Variants in PTPRD observed in about 807,000 individuals in gnomAD.
PTPRD encodes protein tyrosine phosphatase receptor type D.
A neutral mutation model predicts 214.5 loss-of-function variants in PTPRD; 34 were observed. The observed-to-expected ratio is 0.16, with a 90% CI of 0.12 to 0.21. The LOEUF is 0.21. Ranked by LOEUF, PTPRD falls within the 10% of genes least tolerant of loss-of-function variation. The pLI is 1.00. For synonymous variants in PTPRD, 1,128 were observed against 845.7 expected, an observed-to-expected ratio of 1.33 and a Z score of -5.79; for missense variants, 2,545 against 2,398.7, an observed-to-expected ratio of 1.06 and a Z score of -1.27.
chr9:9,503,942 T>C (rs538282239), intron 8 of PTPRD, among the ~76,000 whole-genome samples: 3 of 151,816 alleles, frequency 2.0e-5, no homozygotes, highest in Non-Finnish European at 2.9e-5. Context: ...GTGCCACTTT[T>C]GTTATCCATT....
intron 3 of PTPRD, among the ~76,000 whole-genome samples, chr9:10,056,837 T>C (rs993222995): frequency 2.0e-5 from 3 of 152,166 alleles, no homozygotes; most frequent in African/African-American, 7.2e-5. Context: ...GTCACTTGAG[T>C]ATTATTTATT....
chr9:9,207,297 A>G (rs564480487), intron 9 of PTPRD, among the ~76,000 whole-genome samples: 94 of 152,320 alleles, frequency 6.2e-4, no homozygotes, highest in African/African-American at 2.1e-3. Context: ...GGAGACAGGG[A>G]GTAGATAGTT....
chr9:9,575,103 T>C (rs1000555489), intron 7 of PTPRD, among the ~76,000 whole-genome samples: 4 of 152,288 alleles, frequency 2.6e-5, no homozygotes, highest in African/African-American at 7.2e-5. Context: ...GATAACCTTC[T>C]CTGTTACATT....
chr9:9,971,206 A>G (rs1327446592), intron 4 of PTPRD, among the ~76,000 whole-genome samples: 4 of 152,334 alleles, frequency 2.6e-5, no homozygotes, highest in African/African-American at 9.6e-5. Flanking sequence ...ACATCAGGTA[A>G]GATTTAAGTT....
chr9:9,075,452 T>C (rs1040788064), intron 10 of PTPRD, among the ~76,000 whole-genome samples: 2 of 152,194 alleles, frequency 1.3e-5, no homozygotes, highest in Non-Finnish European at 2.9e-5. Context: ...AGGGTACATG[T>C]GCACAACGTG....
At chr9:8,747,552 G>A (rs2092968773) in intron 11 of PTPRD, among the ~76,000 whole-genome samples, 1 of 152,076 alleles carries the variant, frequency 6.6e-6, no homozygotes, top group Non-Finnish European at 1.5e-5. Flanking sequence ...CACAAGGCAG[G>A]ACCCTCCCTT....
intron 4 of PTPRD, among the ~76,000 whole-genome samples, chr9:9,991,724 G>T (rs971194397): frequency 6.6e-6 from 1 of 152,010 alleles, no homozygotes; most frequent in East Asian, 1.9e-4. Flanking sequence ...AGATAGGGAT[G>T]ATGTATATAC....
chr9:8,910,214 T>C (rs945277644), intron 11 of PTPRD, among the ~76,000 whole-genome samples: 4 of 151,936 alleles, frequency 2.6e-5, no homozygotes, highest in Non-Finnish European at 5.9e-5. Context: ...AGTTTTTGTA[T>C]TTTTAGTAGA....
At chr9:9,261,969 T>A (rs549553551) in intron 9 of PTPRD, among the ~76,000 whole-genome samples, 1 of 151,728 alleles carries the variant, frequency 6.6e-6, no homozygotes, top group Admixed American at 6.6e-5. Context: ...GGAAATCATA[T>A]ACTAAAGGAG....
intron 3 of PTPRD, among the ~76,000 whole-genome samples, chr9:10,185,177 T>A (rs2099323955): frequency 1.3e-5 from 2 of 152,186 alleles, no homozygotes; most frequent in Admixed American, 6.5e-5. Context: ...TGAAACTCTT[T>A]TCTATATGAG....
intron 11 of PTPRD, among the ~76,000 whole-genome samples, chr9:8,952,659 C>G (rs1248271687): frequency 6.6e-6 from 1 of 151,630 alleles, no homozygotes; most frequent in Non-Finnish European, 1.5e-5. Context: ...ACCAATCAAG[C>G]AGGGGGCAGA....
At chr9:9,950,052 T>C (rs1478043919) in intron 4 of PTPRD, among the ~76,000 whole-genome samples, 1 of 152,208 alleles carries the variant, frequency 6.6e-6, no homozygotes, top group South Asian at 2.1e-4. Flanking sequence ...CGTACCATCA[T>C]AGTCCAGCCC....
intron 4 of PTPRD, among the ~76,000 whole-genome samples, chr9:9,962,690 A>C (rs937418380): frequency 9.9e-5 from 15 of 152,068 alleles, no homozygotes; most frequent in African/African-American, 3.4e-4. Context: ...GTATGGTCTA[A>C]TTGTTGTATG....
At chr9:9,988,938 G>T (rs1287264403) in intron 4 of PTPRD, among the ~76,000 whole-genome samples, 2 of 139,744 alleles carry the variant, frequency 1.4e-5, no homozygotes, top group East Asian at 4.3e-4. Context: ...ATTACCTTCT[G>T]GACCAATGAC....
At chr9:10,480,838 T>A (rs2099093144) in intron 2 of PTPRD, among the ~76,000 whole-genome samples, 1 of 152,110 alleles carries the variant, frequency 6.6e-6, no homozygotes, top group South Asian at 2.1e-4. Context: ...TTATTCAATA[T>A]TTCCACAACT....
At chr9:8,403,419 T>G (rs896506289) in intron 36 of PTPRD, among the ~76,000 whole-genome samples, 6 of 152,240 alleles carry the variant, frequency 3.9e-5, no homozygotes, top group South Asian at 2.1e-4. Flanking sequence ...GAACATGGCA[T>G]GTGCCAAGGG....
At chr9:9,417,709 T>G (rs1395580802) in intron 8 of PTPRD, among the ~76,000 whole-genome samples, 2 of 152,102 alleles carry the variant, frequency 1.3e-5, no homozygotes, top group Admixed American at 1.3e-4. Context: ...CTAGTCTATT[T>G]TTTTAAAATT....
intron 5 of PTPRD, among the ~76,000 whole-genome samples, chr9:9,808,833 T>C (rs76810035): frequency 1.2e-4 from 19 of 152,256 alleles, no homozygotes; most frequent in African/African-American, 4.6e-4. Context: ...ACGCAGTGGC[T>C]CAATCATAGC....
Position 8,496,413 on chromosome 9 carries a change from G to T in PTPRD, c.2349+829C>A, listed in dbSNP as rs189970044. Among the ~76,000 whole-genome samples, 4 of 152,270 alleles carry T rather than the reference G, an allele frequency of 2.6e-5. No individual in the cohort carries two copies. The East Asian group carries it at 7.7e-4, about 29-fold the overall frequency. ...TTGCTGCGTTCTATGAAACTTTTCAGAACTTTACTCTTCCCTAGCCACTTA... is the reference window on the plus strand; with the variant it reads ...TTGCTGCGTTCTATGAAACTTTTCATAACTTTACTCTTCCCTAGCCACTTA... On this transcript the variant is annotated intron_variant, in intron 26 of 45. Coordinates refer to ENST00000381196, the MANE Select transcript of PTPRD (RefSeq NM_002839.4).
Sources: allele counts gnomAD v4.1 joint callset (sites outside exome capture counted in the v4.1 genomes callset), GRCh38; gene constraint gnomAD v4.1.1; transcripts MANE v1.5; gene names NCBI Gene and HGNC (gene_info 2026-07-23, HGNC 2026-07-21).